DAZL: variants seen among roughly 807,000 people sequenced by gnomAD.
DAZL encodes the protein deleted in azoospermia-like.
DAZL carries 4 observed loss-of-function variants against 45.0 expected under a neutral mutation model. The observed-to-expected ratio is 0.09, with a 90% CI of 0.04 to 0.20. The LOEUF (loss-of-function observed/expected upper bound fraction) is 0.20, where lower values mean the gene tolerates loss of function less well. Ranked by LOEUF, DAZL falls within the 10% of genes least tolerant of loss-of-function variation. The pLI, the probability that DAZL is intolerant of heterozygous loss-of-function variation, is 1.00. For missense variants in DAZL, 326 were observed against 351.3 expected, an observed-to-expected ratio of 0.93 and a Z score of 0.58; for synonymous variants, 122 against 112.4, an observed-to-expected ratio of 1.09 and a Z score of -0.54.
chr3:16,603,504 G>A (rs1330273766), intron 1 of DAZL, among the ~76,000 whole-genome samples: 1 of 151,674 alleles, frequency 6.6e-6, no homozygotes, highest in Non-Finnish European at 1.5e-5. Context: ...GCACCACCAC[G>A]CCTGGCAAAT....
chr3:16,599,738 A>C (rs1694655073), intron 1 of DAZL, among the ~76,000 whole-genome samples: 1 of 152,170 alleles, frequency 6.6e-6, no homozygotes, highest in South Asian at 2.1e-4. Flanking sequence ...GCTAATGTAA[A>C]ATTTTCTGAA....
chr3:16,605,304 CTG>C lies in DAZL; in HGVS notation c.-101_-100del. On this transcript the variant is annotated 5_prime_UTR_variant, in exon 1 of 11. Transcript: ENST00000399444. ...CTGCTGTGAGGTCCGCTGGAACCCG[CTG>C]CGCGGCTTCGAGTGGTCAAAGGAGC... The C allele has an allele frequency of 6.8e-7, 1 of 1,471,356 alleles. No individual in the cohort carries two copies. The highest frequency in any genetic ancestry group is 9.5e-7 in the Non-Finnish European group (1 of 1,050,022). The allele number at this position is 1,471,356 out of a possible 1,614,324, so 91.1% of individuals were successfully genotyped here.
At chr3:16,591,541 T>C (rs904546399) in intron 10 of DAZL, among the ~76,000 whole-genome samples, 12 of 151,872 alleles carry the variant, frequency 7.9e-5, no homozygotes, top group African/African-American at 2.9e-4. Context: ...GCAATCCTCC[T>C]ACCTCAGCCT....
chr3:16,604,783 G>C, intron 1 of DAZL: 8 of 1,359,562 alleles, frequency 5.9e-6, no homozygotes, highest in African/African-American at 1.5e-5. Flanking sequence ...GCGGAGGCGC[G>C]TGGGAGTGGG....
chr3:16,600,791 G>T (rs1055104955), intron 1 of DAZL, among the ~76,000 whole-genome samples: 5 of 152,184 alleles, frequency 3.3e-5, no homozygotes, highest in African/African-American at 1.2e-4. Flanking sequence ...ACAGTGTTTG[G>T]ATGTATTTTA....
intron 9 of DAZL, 64 bp from the exon 10 acceptor site, chr3:16,592,212 T>A (rs1404958528): frequency 6.3e-7 from 1 of 1,585,056 alleles, no homozygotes; most frequent in African/African-American, 1.3e-5. Context: ...GTAAGGGTTT[T>A]TTTTTGATAG....
At chr3:16,594,855 T>C (rs1694573634) in intron 7 of DAZL, among the ~76,000 whole-genome samples, 1 of 152,078 alleles carries the variant, frequency 6.6e-6, no homozygotes, top group East Asian at 1.9e-4. Flanking sequence ...ACCATAGATA[T>C]GATTATGGGT....
intron 8 of DAZL, 80 bp downstream of exon 8, chr3:16,594,453 A>G: frequency 9.2e-7 from 1 of 1,081,592 alleles, no homozygotes; most frequent in East Asian, 2.6e-5. Flanking sequence ...TATGACATGG[A>G]AAACAATCAA....
At chr3:16,591,851 A>G (rs1442082702) in intron 10 of DAZL, among the ~76,000 whole-genome samples, 199 bp downstream of exon 10, 5 of 152,204 alleles carry the variant, frequency 3.3e-5, no homozygotes, top group African/African-American at 1.2e-4. Context: ...TTCCCTAAAG[A>G]TAACTACATT....
chr3:16,599,626 A>G (rs1694653350), intron 1 of DAZL, among the ~76,000 whole-genome samples: 1 of 152,232 alleles, frequency 6.6e-6, no homozygotes, highest in Non-Finnish European at 1.5e-5. Flanking sequence ...GGCAGATATA[A>G]ATTATACCAT....
rs185141971 is a variant in DAZL, at chr3:16,590,563, C to T, written c.834+1487G>A. On this transcript the variant is annotated intron_variant, in intron 10 of 10. Transcript: ENST00000399444. ...ACGCAAGAGAAATAAGAACATATGTCCACGTAATAACTTGTACATGAATGT... is the reference window on the plus strand; with the variant it reads ...ACGCAAGAGAAATAAGAACATATGTTCACGTAATAACTTGTACATGAATGT... 7.9e-3 allele frequency among the ~76,000 whole-genome samples: 1,207 copies of T among 152,212 alleles called. 21 individuals are homozygous for T. The highest frequency in any genetic ancestry group is 7.5e-3 in the Non-Finnish European group (510 of 68,006).
intron 1 of DAZL, among the ~76,000 whole-genome samples, chr3:16,602,803 A>T (rs1371783366): frequency 6.6e-6 from 1 of 152,202 alleles, no homozygotes; most frequent in African/African-American, 2.4e-5. Context: ...ATCTAATTCT[A>T]CCCTATCATT....
intron 9 of DAZL, among the ~76,000 whole-genome samples, chr3:16,593,057 CGTAA>C (rs1223976002): frequency 6.6e-6 from 1 of 151,912 alleles, no homozygotes; most frequent in Non-Finnish European, 1.5e-5. Flanking sequence ...GAGAGAATGC[CGTAA>C]GTAATGTGTT....
chr3:16,593,789 G>A (rs1201321584), intron 8 of DAZL, 21 bp from the exon 9 acceptor site: 2 of 1,489,122 alleles, frequency 1.3e-6, no homozygotes, highest in Non-Finnish European at 1.9e-6. Flanking sequence ...AATAATGAAA[G>A]TGTAATTAAA....
chr3:16,592,684 G>T (rs1349748908), intron 9 of DAZL, among the ~76,000 whole-genome samples: 2 of 152,146 alleles, frequency 1.3e-5, no homozygotes, highest in Non-Finnish European at 2.9e-5. Context: ...TAGAATACTG[G>T]TTTAAAAAGC....
At position 16,593,743 on chromosome 3, in the gene DAZL, C is replaced by G; in HGVS notation, c.647G>C (p.Cys216Ser). 6.2e-7 allele frequency: 1 copy of G among 1,611,252 alleles called. No homozygotes were observed. The highest frequency in any genetic ancestry group is 8.5e-7 in the Non-Finnish European group (1 of 1,177,936). The change falls in exon 9 of 11, where the codon TGT (cysteine) becomes TCT (serine). Residue 216 changes from cysteine (C) to serine (S), a missense_variant. This residue lies in a region of DAZL where 227 missense variants were observed against 216.6 expected (regional missense o/e 1.05). Coordinates refer to ENST00000399444, the MANE Select transcript of DAZL (RefSeq NM_001351.4). ...PPAYSAVNYHCNEVDPGAEVV... is the reference protein window; with the variant it reads ...PPAYSAVNYHSNEVDPGAEVV... ...TTCAGCTCCTGGATCAACTTCATTA[C>G]AGTGGTAGTTAACAGCTGAATAAGC...
chr3:16,604,512 C>G (rs906681540), intron 1 of DAZL: 7 of 1,513,792 alleles, frequency 4.6e-6, no homozygotes, highest in Non-Finnish European at 6.2e-6. Context: ...TCAGCAAGTC[C>G]CCCGCAGCTG....
intron 1 of DAZL, chr3:16,604,786 G>T: frequency 7.4e-7 from 1 of 1,358,556 alleles, no homozygotes; most frequent in Non-Finnish European, 9.5e-7. Flanking sequence ...GAGGCGCGTG[G>T]GAGTGGGGGA....
At chr3:16,605,097 A>C in intron 1 of DAZL, 106 bp downstream of exon 1, 3 of 1,454,594 alleles carry the variant, frequency 2.1e-6, no homozygotes, top group Non-Finnish European at 2.9e-6. Context: ...TGCCCCCCAA[A>C]CAGGAAAGCC....
Sources: allele counts gnomAD v4.1 joint callset (sites outside exome capture counted in the v4.1 genomes callset), GRCh38; gene constraint gnomAD v4.1.1; regional missense constraint gnomAD v4.1.1; transcripts MANE v1.5; gene names NCBI Gene and HGNC (gene_info 2026-07-23, HGNC 2026-07-21).